LURAP1L: variants seen among roughly 807,000 people sequenced by gnomAD.
LURAP1L encodes leucine rich adaptor protein 1-like.
A neutral mutation model predicts 13.8 loss-of-function variants in LURAP1L; 12 were observed. The ratio of observed to expected loss-of-function variants is 0.87; its 90% confidence interval spans 0.56 to 1.41. The LOEUF (loss-of-function observed/expected upper bound fraction) is 1.41. Ranked by LOEUF, LURAP1L falls within the 40% of genes most tolerant of loss-of-function variation. LURAP1L has a pLI of 0.00. For synonymous variants in LURAP1L, 139 were observed against 119.2 expected, an observed-to-expected ratio of 1.17 and a Z score of -1.08; for missense variants, 375 against 292.9, an observed-to-expected ratio of 1.28 and a Z score of -2.04.
Position 12,822,394 on chromosome 9 carries a change from A to G in LURAP1L, c.*634A>G, listed in dbSNP as rs533431840. Among the ~76,000 whole-genome samples the G allele has an allele frequency of 5.3e-5, 8 of 152,306 alleles. No homozygotes were observed. The South Asian group carries it at 1.7e-3, about 32-fold the overall frequency. Reference sequence around the variant, plus strand: ...TACTTTAGATTAACATTTTGTCATCAGTGATTCTAACTCAAATCATATGTT... The same window carrying G: ...TACTTTAGATTAACATTTTGTCATCGGTGATTCTAACTCAAATCATATGTT... On this transcript the variant is annotated 3_prime_UTR_variant, in exon 2 of 2. Transcript: ENST00000319264.
intron 1 of LURAP1L, among the ~76,000 whole-genome samples, chr9:12,778,525 C>A (rs534997320): frequency 6.6e-6 from 1 of 152,236 alleles, no homozygotes; most frequent in East Asian, 1.9e-4. Context: ...GACATGGGTT[C>A]CGTTGATCTT....
At chr9:12,783,089 G>C (rs1441497229) in intron 1 of LURAP1L, among the ~76,000 whole-genome samples, 3 of 151,946 alleles carry the variant, frequency 2.0e-5, no homozygotes, top group Admixed American at 1.3e-4. Flanking sequence ...CAACTTATCA[G>C]TTCTAATGAT....
At position 12,775,630 on chromosome 9, in the gene LURAP1L, T is replaced by G. The variant is rs2118439371; in HGVS notation, c.-86T>G. 4 of 1,485,436 alleles carry G rather than the reference T, an allele frequency of 2.7e-6. No individual in the cohort carries two copies. The highest frequency in any genetic ancestry group is 2.8e-5 in the African/African-American group (2 of 70,566). The allele number at this position is 1,485,436 out of a possible 1,614,324, so 92.0% of individuals were successfully genotyped here. ...ATAGAGACCCTGGCCCCCGGAGAGG[T>G]CTGCTGATTTCGCAGCAGCCTTCGA... On this transcript the variant is annotated 5_prime_UTR_variant, in exon 1 of 2. Coordinates refer to ENST00000319264, the MANE Select transcript of LURAP1L (RefSeq NM_203403.2).
At chr9:12,812,502 C>G (rs144410655) in intron 1 of LURAP1L, among the ~76,000 whole-genome samples, 1 of 152,146 alleles carries the variant, frequency 6.6e-6, no homozygotes, top group Admixed American at 6.6e-5. Flanking sequence ...CAAGTCAGTT[C>G]TCCCCTACAA....
chr9:12,815,465 A>G (rs922134095), intron 1 of LURAP1L, among the ~76,000 whole-genome samples: 23 of 152,316 alleles, frequency 1.5e-4, no homozygotes, highest in African/African-American at 5.3e-4. Context: ...ATGAGAAACT[A>G]GGGTTAGAGC....
chr9:12,821,338 C>T (rs777400293), intron 1 of LURAP1L, 48 bp from the exon 2 acceptor site: 10 of 1,567,880 alleles, frequency 6.4e-6, no homozygotes, highest in African/African-American at 2.7e-5. Flanking sequence ...TGAGGCCTTT[C>T]GAGAGTGTAA....
intron 1 of LURAP1L, among the ~76,000 whole-genome samples, chr9:12,784,177 C>G (rs995526187): frequency 3.3e-5 from 5 of 152,120 alleles, no homozygotes; most frequent in Non-Finnish European, 5.9e-5. Flanking sequence ...ATCTCTGTCA[C>G]TCTGGGATTG....
intron 1 of LURAP1L, among the ~76,000 whole-genome samples, chr9:12,785,098 A>G (rs1270213846): frequency 1.4e-5 from 2 of 147,910 alleles, no homozygotes; most frequent in African/African-American, 2.5e-5. Flanking sequence ...AGGCCTGGTT[A>G]TCTCCCTTCA....
At chr9:12,790,416 T>A (rs1174436824) in intron 1 of LURAP1L, among the ~76,000 whole-genome samples, 2 of 152,140 alleles carry the variant, frequency 1.3e-5, no homozygotes, top group Non-Finnish European at 2.9e-5. Context: ...TTTTTTGTGT[T>A]TGGACTACAC....
intron 1 of LURAP1L, among the ~76,000 whole-genome samples, chr9:12,810,207 A>T (rs902614343): frequency 4.7e-4 from 72 of 152,220 alleles, no homozygotes; most frequent in African/African-American, 1.3e-3. Context: ...GGTAAAACTC[A>T]TGAAAGTGCG....
chr9:12,800,690 T>C (rs1819573540), intron 1 of LURAP1L, among the ~76,000 whole-genome samples: 1 of 152,336 alleles, frequency 6.6e-6, no homozygotes, highest in Admixed American at 6.5e-5. Flanking sequence ...TATGATAGTA[T>C]CTCTTAATGA....
chr9:12,813,168 G>A (rs1819761046), intron 1 of LURAP1L, among the ~76,000 whole-genome samples: 1 of 152,084 alleles, frequency 6.6e-6, no homozygotes. Context: ...TATCTACTGA[G>A]ATGTGTGAGC....
chr9:12,784,425 T>A (rs1301048388), intron 1 of LURAP1L, among the ~76,000 whole-genome samples: 1 of 152,222 alleles, frequency 6.6e-6, no homozygotes, highest in Admixed American at 6.5e-5. Flanking sequence ...CCAAGCCCAA[T>A]AATAGTATGA....
chr9:12,796,437 T>A (rs1427092997), intron 1 of LURAP1L, among the ~76,000 whole-genome samples: 4 of 152,044 alleles, frequency 2.6e-5, no homozygotes, highest in Non-Finnish European at 1.5e-5. Context: ...TTGCTTAACA[T>A]TGTGTTATAA....
intron 1 of LURAP1L, among the ~76,000 whole-genome samples, chr9:12,819,004 A>G (rs969530230): frequency 2.6e-5 from 4 of 152,158 alleles, no homozygotes; most frequent in Non-Finnish European, 5.9e-5. Context: ...TATTACTTGT[A>G]ACTTGACCAT....
chr9:12,802,316 G>T (rs1175696223), intron 1 of LURAP1L, among the ~76,000 whole-genome samples: 1 of 152,150 alleles, frequency 6.6e-6, no homozygotes, highest in Non-Finnish European at 1.5e-5. Flanking sequence ...TGGAGGTTGG[G>T]CCTGGTGGGA....
chr9:12,814,565 A>C (rs1819779580), intron 1 of LURAP1L, among the ~76,000 whole-genome samples: 1 of 152,186 alleles, frequency 6.6e-6, no homozygotes, highest in Admixed American at 6.5e-5. Context: ...AATCATACTG[A>C]AAAGCTGCAT....
chr9:12,781,812 TA>T (rs1311124503), intron 1 of LURAP1L, among the ~76,000 whole-genome samples: 1 of 152,202 alleles, frequency 6.6e-6, no homozygotes, highest in African/African-American at 2.4e-5. Flanking sequence ...GTTCTAATTT[TA>T]TTTTTTTAAG....
chr9:12,776,582 A>C (rs1046784763), intron 1 of LURAP1L, among the ~76,000 whole-genome samples: 13 of 151,960 alleles, frequency 8.6e-5, no homozygotes, highest in Admixed American at 5.9e-4. Context: ...AGCTGTTCCA[A>C]GGCCACTGTC....
Sources: gnomAD v4.1 joint callset for allele counts (sites outside exome capture counted in the v4.1 genomes callset) on GRCh38, gnomAD v4.1.1 for gene constraint, MANE v1.5 for transcripts, NCBI Gene and HGNC (gene_info 2026-07-23, HGNC 2026-07-21) for gene names.